ALDH3B1: variants seen among roughly 807,000 people sequenced by gnomAD.
ALDH3B1 encodes the protein aldehyde dehydrogenase family 3 member B1.
A neutral mutation model predicts 46.2 loss-of-function variants in ALDH3B1; 37 were observed. The observed-to-expected ratio is 0.80, with a 90% CI of 0.62 to 1.05. The LOEUF (loss-of-function observed/expected upper bound fraction) is 1.05, where lower values mean the gene tolerates loss of function less well. ALDH3B1 is among the 50% of genes least tolerant of loss of function. The probability of loss-of-function intolerance (pLI) is 0.00; values close to 1 mark genes in which losing one functional copy is unlikely to be tolerated. For missense variants in ALDH3B1, 603 were observed against 665.5 expected (o/e 0.91, Z 1.03); for synonymous variants, 283 against 281.0 (o/e 1.01, Z -0.07).
intron 8 of ALDH3B1, among the ~76,000 whole-genome samples, 161 bp from the exon 9 acceptor site, chr11:68,025,847 CT>C (rs1279283583): frequency 3.3e-5 from 5 of 152,342 alleles, no homozygotes; most frequent in African/African-American, 1.2e-4. Flanking sequence ...ACACAACCCC[CT>C]GCCCCACCTG....
At position 68,028,348 on chromosome 11, in the gene ALDH3B1, A is replaced by C; in HGVS notation, c.*409A>C. On this transcript the variant is annotated 3_prime_UTR_variant, in exon 10 of 10. Transcript: ENST00000342456. ...GCCATTCCTGCCCTCTCTGAGTCTC[A>C]GTTTTTCCATTTGTTCAGTGGAGAG... 2.7e-6 allele frequency: 1 copy of C among 363,834 alleles called. No individual in the cohort carries two copies. The highest frequency in any genetic ancestry group is 7.0e-5 in the East Asian group (1 of 14,208). 22.5% of individuals were successfully genotyped at this position (363,834 alleles called of 1,614,324 possible).
In ALDH3B1 at chr11:68,027,875, C is replaced by A; in HGVS notation, c.1343C>A (p.Pro448Gln). The A allele has an allele frequency of 6.4e-7, 1 of 1,563,336 alleles. No individual in the cohort carries two copies. The highest frequency in any genetic ancestry group is 1.2e-5 in the South Asian group (1 of 84,942). ...LNALRYPPQSPRRLRMLLVAM... is the reference protein window; with the variant it reads ...LNALRYPPQSQRRLRMLLVAM... ...GCCCTCCGCTACCCGCCGCAATCGC[C>A]GCGCCGCCTGAGGATGCTGCTGGTG... Residue 448 changes from proline (P) to glutamine (Q), a missense_variant, in exon 10 of 10, where the codon CCG (proline) becomes CAG (glutamine). Pro to Gln is a moderately conservative substitution (Grantham distance 76, BLOSUM62 -1). Transcript: ENST00000342456.
chr11:68,013,137 A>G (rs1009640413), intron 1 of ALDH3B1, among the ~76,000 whole-genome samples: 6 of 152,008 alleles, frequency 3.9e-5, no homozygotes, highest in Non-Finnish European at 5.9e-5. Flanking sequence ...GATCCCCCCA[A>G]TCTCAGGCAG....
In ALDH3B1 at chr11:68,015,460, G is replaced by A; in HGVS notation, c.162+1G>A. The stretch of plus-strand genomic sequence containing the variant: ...CGCACTGGCCCAGGACCTGCACAAG[G>A]TGGGCTGGGGTTGGGGGTATGAGAG... On this transcript the variant is annotated splice_donor_variant, in intron 2 of 9. Coordinates refer to ENST00000342456, the MANE Select transcript of ALDH3B1 (RefSeq NM_000694.4). LOFTEE classifies it high-confidence loss of function. 1 of 1,567,898 alleles carries A rather than the reference G, an allele frequency of 6.4e-7. No homozygotes were observed.
chr11:68,012,106 G>A (rs892344539), intron 1 of ALDH3B1, among the ~76,000 whole-genome samples: 1 of 152,138 alleles, frequency 6.6e-6, no homozygotes, highest in Admixed American at 6.5e-5. Context: ...ATGAGAGAAC[G>A]GGCAGAGCCT....
At chr11:68,015,718 C>A in intron 2 of ALDH3B1, 2 of 654,610 alleles carry the variant, frequency 3.1e-6, no homozygotes, top group Non-Finnish European at 5.6e-6. Flanking sequence ...AAACACAGTT[C>A]CCATGCCTAC....
Position 68,021,591 on chromosome 11 carries a change from C to A in ALDH3B1, c.669C>A (p.Cys223Ter). The change falls in exon 7 of 10, where the codon TGC (cysteine) becomes TGA (stop). Residue 223 changes from cysteine (C) to a stop codon, truncating the protein, a stop_gained. Coordinates refer to ENST00000342456, the MANE Select transcript of ALDH3B1 (RefSeq NM_000694.4). LOFTEE classifies it high-confidence loss of function. ...GKNPCYVDDN[C>*]DPQTVANRVA... ...ACCCTTGCTACGTGGACGACAACTG[C>A]GACCCCCAGACCGTGGCCAACCGCG... The A allele has an allele frequency of 6.2e-7, 1 of 1,614,092 alleles. No homozygotes were observed. Among genetic ancestry groups the A allele is most frequent in the Non-Finnish European group, 8.5e-7 (1 of 1,179,992 alleles).
intron 1 of ALDH3B1, among the ~76,000 whole-genome samples, chr11:68,010,743 C>T (rs1031774179): frequency 2.6e-5 from 4 of 152,214 alleles, no homozygotes; most frequent in Non-Finnish European, 4.4e-5. Context: ...AAGGACTGTG[C>T]GCCCCTTCCC....
In ALDH3B1 at chr11:68,028,546, G is replaced by A. The variant is rs750319109; in HGVS notation, c.*607G>A. On this transcript the variant is annotated 3_prime_UTR_variant, in exon 10 of 10. Transcript: ENST00000342456. Reference sequence around the variant, plus strand: ...ACAAAAATTAGCCTGGCGTGGTGGCGCATGCCTGTAATCCCAGCTACTCAG... The same window carrying A: ...ACAAAAATTAGCCTGGCGTGGTGGCACATGCCTGTAATCCCAGCTACTCAG... 41 of 179,832 alleles carry A rather than the reference G, an allele frequency of 2.3e-4. No individual in the cohort carries two copies. The highest frequency in any genetic ancestry group is 4.0e-4 in the Non-Finnish European group (33 of 82,914). 11.1% of individuals were successfully genotyped at this position (179,832 alleles called of 1,614,324 possible). A position where few individuals can be genotyped will look rare whatever the true frequency, so the allele number is the denominator to read the frequency against.
At chr11:68,021,361 G>C in intron 6 of ALDH3B1, 124 bp from the exon 7 acceptor site, 2 of 1,418,266 alleles carry the variant, frequency 1.4e-6, no homozygotes, top group Non-Finnish European at 1.9e-6. Flanking sequence ...AACAAGGAAA[G>C]GCCAGGCGAG....
intron 4 of ALDH3B1, 91 bp downstream of exon 4, chr11:68,018,984 C>T (rs1257408952): frequency 2.0e-6 from 3 of 1,490,502 alleles, no homozygotes; most frequent in African/African-American, 1.4e-5. Context: ...GGAGAACTGG[C>T]CCAGGTGGCA....
chr11:68,021,556 G>C lies in ALDH3B1; in HGVS notation c.634G>C (p.Gly212Arg). ...KHLTPVTLELGGKNPCYVDDN... is the reference protein window; with the variant it reads ...KHLTPVTLELRGKNPCYVDDN... ...CCTGACACCTGTCACCCTGGAGCTG[G>C]GGGGCAAGAACCCTTGCTACGTGGA... The change falls in exon 7 of 10, where the codon GGG becomes CGG. Residue 212 changes from glycine (G) to arginine (R), a missense_variant. By Grantham distance (125) the Gly-to-Arg change is moderately radical. Transcript: ENST00000342456. 1 of 1,614,078 alleles carries C rather than the reference G, an allele frequency of 6.2e-7. No homozygotes were observed. Among genetic ancestry groups the C allele is most frequent in the East Asian group, 2.2e-5 (1 of 44,880 alleles).
At chr11:68,024,205 T>C (rs1590782408) in intron 8 of ALDH3B1, 1 of 152,342 alleles carries the variant, frequency 6.6e-6, no homozygotes, top group East Asian at 1.9e-4. Flanking sequence ...TTACTGGTTT[T>C]AGGAGAGAAT....
chr11:68,012,703 C>T (rs534761173), intron 1 of ALDH3B1, among the ~76,000 whole-genome samples: 2 of 152,238 alleles, frequency 1.3e-5, no homozygotes, highest in African/African-American at 4.8e-5. Context: ...GCTGGCCTAC[C>T]GGAGTCCACC....
At chr11:68,021,990 C>A (rs1485458042) in intron 7 of ALDH3B1, 119 bp downstream of exon 7, 1 of 1,474,898 alleles carries the variant, frequency 6.8e-7, no homozygotes, top group East Asian at 2.4e-5. Flanking sequence ...TGCCAGAGCC[C>A]GGCCTTGAGC....
At chr11:68,010,433 A>C (rs1857205905) in intron 1 of ALDH3B1, 41 bp downstream of exon 1, 1 of 152,650 alleles carries the variant, frequency 6.6e-6, no homozygotes. Flanking sequence ...GTGGGCCAGC[A>C]GTCGGGCCAG....
intron 1 of ALDH3B1, among the ~76,000 whole-genome samples, chr11:68,013,853 G>T (rs868073487): frequency 6.6e-6 from 1 of 152,208 alleles, no homozygotes; most frequent in African/African-American, 2.4e-5. Context: ...TCCTGTGTGC[G>T]GGCCACTGCC....
At chr11:68,026,420 T>C (rs1413936798) in intron 9 of ALDH3B1, among the ~76,000 whole-genome samples, 1 of 152,178 alleles carries the variant, frequency 6.6e-6, no homozygotes, top group Non-Finnish European at 1.5e-5. Context: ...GCGATGCTAT[T>C]TGCTCTTCTC....
chr11:68,008,623 C>T (rs1158525683), upstream of ALDH3B1: 1 of 152,274 alleles, frequency 6.6e-6, no homozygotes, highest in African/African-American at 2.4e-5. Context: ...AGTCCTTCAC[C>T]CCCACCCTAA....
Sources: allele counts gnomAD v4.1 joint callset (sites outside exome capture counted in the v4.1 genomes callset), GRCh38; gene constraint gnomAD v4.1.1; transcripts MANE v1.5; gene names NCBI Gene and HGNC (gene_info 2026-07-23, HGNC 2026-07-21).